Variants in SDCBP2 observed in about 807,000 individuals in gnomAD.
SDCBP2 encodes the protein syndecan binding protein 2.
In SDCBP2, 28 loss-of-function variants were observed where a neutral mutation model predicts 30.7. The observed-to-expected ratio is 0.91, with a 90% CI of 0.68 to 1.25. SDCBP2 has a LOEUF of 1.25. Among genes scored for constraint, SDCBP2 ranks in the 50% most tolerant of loss-of-function variants. SDCBP2 has a pLI of 0.00. For missense variants in SDCBP2, 399 were observed against 379.0 expected (o/e 1.05, Z -0.44); for synonymous variants, 166 against 157.3 (o/e 1.06, Z -0.41).
At chr20:1,312,086 G>A (rs1349964434) in intron 7 of SDCBP2, among the ~76,000 whole-genome samples, 2 of 147,958 alleles carry the variant, frequency 1.4e-5, no homozygotes, top group African/African-American at 5.0e-5. Context: ...TTTTTTTGTG[G>A]AAAGAGGGTT....
rs1413102282 is a variant in SDCBP2 at position 1,320,238 on chromosome 20, C to A, written c.54+125G>T. The stretch of plus-strand genomic sequence containing the variant: ...TGTCTTCTCTGCCCAGCAGGCCCTG[C>A]AGTGGACACCTACATGCCCTGAGGC... On this transcript the variant is annotated intron_variant, in intron 2 of 8. Coordinates refer to ENST00000360779, the MANE Select transcript of SDCBP2 (RefSeq NM_080489.5). This position sits in a 1 kb window ranked among gnomAD's most constrained non-coding sequence, Gnocchi z 4.7. 5 of 782,522 alleles carry A rather than the reference C, an allele frequency of 6.4e-6. No homozygotes were observed. The highest frequency in any genetic ancestry group is 1.1e-5 in the Non-Finnish European group (5 of 471,880). 48.5% of individuals were successfully genotyped at this position (782,522 alleles called of 1,614,324 possible).
chr20:1,328,368 G>C (rs1326011758), intron 1 of SDCBP2, among the ~76,000 whole-genome samples: 4 of 152,174 alleles, frequency 2.6e-5, no homozygotes, highest in African/African-American at 9.7e-5. Flanking sequence ...ATGGGCTACA[G>C]GGCAGGAGTG....
Position 1,313,712 on chromosome 20 carries a change from G to A in SDCBP2, c.226-214C>T. ...AAAGTCCATGCCCTTAAAAAGCCAG[G>A]AAAACGGGGAGGGAAGGGGCGAGGA... On this transcript the variant is annotated intron_variant, in intron 4 of 8. Coordinates refer to ENST00000360779, the MANE Select transcript of SDCBP2 (RefSeq NM_080489.5). This position sits in a 1 kb window ranked among gnomAD's most constrained non-coding sequence, Gnocchi z 5.2. 3 of 1,296,694 alleles carry A rather than the reference G, an allele frequency of 2.3e-6. No individual in the cohort carries two copies. Among genetic ancestry groups the A allele is most frequent in the Non-Finnish European group, 3.0e-6 (3 of 1,010,530 alleles). The allele number at this position is 1,296,694 out of a possible 1,614,324, so 80.3% of individuals were successfully genotyped here.
At chr20:1,319,752 G>A in intron 2 of SDCBP2, 93 bp from the exon 3 acceptor site, 1 of 1,027,610 alleles carries the variant, frequency 9.7e-7, no homozygotes, top group Non-Finnish European at 1.4e-6. Flanking sequence ...TGGGCATTAG[G>A]GGTGTGAGTG....
chr20:1,313,626 T>A lies in SDCBP2; in HGVS notation c.226-128A>T. The stretch of plus-strand genomic sequence containing the variant: ...TCCCCGGGTCCCCCCACGTCCCCAG[T>A]CCACGCTTCTCCCCTAGGGGCGAGA... On this transcript the variant is annotated intron_variant, in intron 4 of 8. Transcript: ENST00000360779. The surrounding 1 kb of genome is among the most constrained non-coding windows in gnomAD (Gnocchi z 5.2). 2 of 1,418,594 alleles carry A rather than the reference T, an allele frequency of 1.4e-6. No homozygotes were observed. Among genetic ancestry groups the A allele is most frequent in the Non-Finnish European group, 1.8e-6 (2 of 1,089,086 alleles). 87.9% of individuals were successfully genotyped at this position (1,418,594 alleles called of 1,614,324 possible).
chr20:1,319,135 G>A (rs1414263846), intron 3 of SDCBP2, among the ~76,000 whole-genome samples: 1 of 152,210 alleles, frequency 6.6e-6, no homozygotes, highest in Non-Finnish European at 1.5e-5. Context: ...GTTCCAGCAA[G>A]GAAGTCTGAC....
At position 1,313,475 on chromosome 20, in the gene SDCBP2, G is replaced by T. The variant is rs777959612; in HGVS notation, c.249C>A (p.Pro83=). Residue 83 remains proline (P), a synonymous_variant, in exon 5 of 9, where the codon CCC becomes CCA. Transcript: ENST00000360779. This position sits in a 1 kb window ranked among gnomAD's most constrained non-coding sequence, Gnocchi z 5.2. ...CGGTTACCGGTGCCACCATCTGGCCGGGCCCGGGGCCCGAGACCGCTGTCT... is the reference window on the plus strand; with the variant it reads ...CGGTTACCGGTGCCACCATCTGGCCTGGCCCGGGGCCCGAGACCGCTGTCT... ...GDSTAVSGPG[P]GQMVAPVTGY... 2 of 1,593,544 alleles carry T rather than the reference G, an allele frequency of 1.3e-6. No homozygotes were observed. The highest frequency in any genetic ancestry group is 2.3e-5 in the East Asian group (1 of 44,258).
intron 7 of SDCBP2, chr20:1,311,202 C>T (rs994249667): frequency 3.7e-6 from 1 of 269,334 alleles, no homozygotes; most frequent in Non-Finnish European, 7.1e-6. Context: ...CTCATCAATG[C>T]GATTCTCCTC....
At chr20:1,314,743 C>T (rs928049417) in intron 4 of SDCBP2, among the ~76,000 whole-genome samples, 5 of 151,524 alleles carry the variant, frequency 3.3e-5, no homozygotes, top group African/African-American at 1.2e-4. Context: ...AAAACAAAAA[C>T]GAAGCAAAAT....
Position 1,312,327 on chromosome 20 carries a change from A to G in SDCBP2, c.732+10T>C. ...CCGGCAGTCCCTCCCTGGTGCGGCC[A>G]CCAGCCTACCTTCAGCCCGATAACA... On this transcript the variant is annotated intron_variant, in intron 7 of 8. Coordinates refer to ENST00000360779, the MANE Select transcript of SDCBP2 (RefSeq NM_080489.5). 6.2e-7 allele frequency: 1 copy of G among 1,611,332 alleles called. No homozygotes were observed. Among genetic ancestry groups the G allele is most frequent in the Non-Finnish European group, 8.5e-7 (1 of 1,178,872 alleles).
chr20:1,320,438 G>T lies in SDCBP2; in HGVS notation c.-19-3C>A. 6.2e-7 allele frequency: 1 copy of T among 1,611,212 alleles called. No homozygotes were observed. Among genetic ancestry groups the T allele is most frequent in the Non-Finnish European group, 8.5e-7 (1 of 1,177,846 alleles). On this transcript the variant is annotated splice_region_variant and splice_polypyrimidine_tract_variant and intron_variant, in intron 1 of 8. Coordinates refer to ENST00000360779, the MANE Select transcript of SDCBP2 (RefSeq NM_080489.5). The surrounding 1 kb of genome is among the most constrained non-coding windows in gnomAD (Gnocchi z 4.7). ...ACATGGCTGATTCTCAGAACACCCT[G>T]CAGAGTGCAGAGGGTGGGGAAGGAT...
intron 7 of SDCBP2, 38 bp downstream of exon 7, chr20:1,312,299 C>A (rs771935484): frequency 6.3e-7 from 1 of 1,599,086 alleles, no homozygotes; most frequent in South Asian, 1.1e-5. Flanking sequence ...GCCCTCCCAC[C>A]ACCCGGCAGT....
chr20:1,321,927 A>G lies in SDCBP2; in HGVS notation c.-19-1492T>C, dbSNP rs1191778322. On this transcript the variant is annotated intron_variant, in intron 1 of 8. Coordinates refer to ENST00000360779, the MANE Select transcript of SDCBP2 (RefSeq NM_080489.5). The surrounding 1 kb of genome is among the most constrained non-coding windows in gnomAD (Gnocchi z 5.2). ...AGAGTAGCTACAATTGAGTAGCAGC[A>G]GACTCCAGGGTGACCCAGTCCACCA... 3 of 152,236 alleles carry G rather than the reference A, an allele frequency of 2.0e-5. No homozygotes were observed. Among genetic ancestry groups the G allele is most frequent in the African/African-American group, 7.2e-5 (3 of 41,460 alleles). The allele number at this position is 152,236 out of a possible 1,614,324, so 9.4% of individuals were successfully genotyped here. A position where few individuals can be genotyped will look rare whatever the true frequency, so the allele number is the denominator to read the frequency against.
chr20:1,312,508 C>T lies in SDCBP2; in HGVS notation c.561G>A (p.Arg187=), dbSNP rs779951866. The change falls in exon 7 of 9, where the codon AGG becomes AGA. Residue 187 remains arginine (R), a splice_region_variant and synonymous_variant. Transcript: ENST00000360779. ...GDKIVVVVRD[R]PFQRTVTMHK... is the part of the protein sequence containing the mutation. ...GCATGGTGACAGTCCGCTGGAACGG[C>T]CTGGCAGGAGGGACAGTGAGCTGTC... is the stretch of plus-strand genomic sequence containing the variant. 1 of 1,614,128 alleles carries T rather than the reference C, an allele frequency of 6.2e-7. No homozygotes were observed. The highest frequency in any genetic ancestry group is 1.1e-5 in the South Asian group (1 of 91,080).
rs1034052998 is a variant in SDCBP2, at chr20:1,313,679, G to A, written c.226-181C>T. The A allele has an allele frequency of 1.5e-6, 2 of 1,369,848 alleles. No individual in the cohort carries two copies. The highest frequency in any genetic ancestry group is 1.5e-5 in the African/African-American group (1 of 66,830). 84.9% of individuals were successfully genotyped at this position (1,369,848 alleles called of 1,614,324 possible). On this transcript the variant is annotated intron_variant, in intron 4 of 8. Transcript: ENST00000360779. This position sits in a 1 kb window ranked among gnomAD's most constrained non-coding sequence, Gnocchi z 5.2. ...AGACGTGGCTCCACGCGGCCACTAG[G>A]GGGCGTCAAAGTCCATGCCCTTAAA... is the stretch of plus-strand genomic sequence containing the variant.
chr20:1,320,853 C>A lies in SDCBP2; in HGVS notation c.-19-418G>T, dbSNP rs144712471. 589 of 155,302 alleles carry A rather than the reference C, an allele frequency of 3.8e-3. 3 individuals are homozygous for A. The highest frequency in any genetic ancestry group is 0.013 in the African/African-American group (561 of 41,628). The allele number at this position is 155,302 out of a possible 1,614,324, so 9.6% of individuals were successfully genotyped here. A position where few individuals can be genotyped will look rare whatever the true frequency, so the allele number is the denominator to read the frequency against. On this transcript the variant is annotated intron_variant, in intron 1 of 8. Transcript: ENST00000360779. This position sits in a 1 kb window ranked among gnomAD's most constrained non-coding sequence, Gnocchi z 4.7. ...AGCAGGACCTCTGAGCAAGGTGCCC[C>A]GAGAAAGTGAAAGGAATGATGACCT...
At chr20:1,311,181 C>T (rs887588512) in intron 7 of SDCBP2, 17 of 344,380 alleles carry the variant, frequency 4.9e-5, no homozygotes, top group African/African-American at 1.2e-4. Flanking sequence ...GAGCCTGACG[C>T]GTAACAGGGC....
intron 4 of SDCBP2, 49 bp downstream of exon 4, chr20:1,318,269 G>A (rs770820923): frequency 6.4e-6 from 8 of 1,248,758 alleles, no homozygotes; most frequent in South Asian, 4.8e-5. Flanking sequence ...AGGAAAAAGG[G>A]AGGATTGGGA....
chr20:1,319,381 G>A (rs1568562614), intron 3 of SDCBP2: 1 of 575,760 alleles, frequency 1.7e-6, no homozygotes, highest in Middle Eastern at 2.8e-4. Context: ...GGAACAGCAT[G>A]GGCACAGGCT....
Sources: gnomAD v4.1 joint callset for allele counts (sites outside exome capture counted in the v4.1 genomes callset) on GRCh38, gnomAD v4.1.1 for gene constraint, Gnocchi (gnomAD v3.1) non-coding constraint, MANE v1.5 for transcripts, NCBI Gene and HGNC (gene_info 2026-07-23, HGNC 2026-07-21) for gene names.